CNTN3: variants seen among roughly 807,000 people sequenced by gnomAD.
The protein encoded by CNTN3 is contactin 3, also known as contactin-3.
A neutral mutation model predicts 119.1 loss-of-function variants in CNTN3; 60 were observed. That is an observed-to-expected ratio of 0.50 (90% CI 0.41 to 0.62). The LOEUF (loss-of-function observed/expected upper bound fraction) is 0.62, where lower values mean the gene tolerates loss of function less well. Ranked by LOEUF, CNTN3 falls within the 20% of genes least tolerant of loss-of-function variation. The probability of loss-of-function intolerance (pLI) is 0.00; values close to 1 mark genes in which losing one functional copy is unlikely to be tolerated. For synonymous variants in CNTN3, 450 were observed against 438.7 expected (o/e 1.03, Z -0.32); for missense variants, 1,101 against 1,242.4 (o/e 0.89, Z 1.71).
intron 1 of CNTN3, among the ~76,000 whole-genome samples, chr3:74,538,391 C>T (rs539270537): frequency 1.6e-4 from 24 of 152,144 alleles, no homozygotes; most frequent in East Asian, 9.7e-4. Flanking sequence ...CTAAGAAAGC[C>T]GAGAACACTG....
intron 17 of CNTN3, 107 bp downstream of exon 17, chr3:74,299,761 C>A: frequency 2.4e-6 from 2 of 822,234 alleles, no homozygotes; most frequent in South Asian, 2.0e-5. Flanking sequence ...AGCCACACCC[C>A]CAGCACTACC....
At chr3:74,359,352 C>T (rs532146056) in intron 11 of CNTN3, among the ~76,000 whole-genome samples, 7 of 152,086 alleles carry the variant, frequency 4.6e-5, no homozygotes, top group African/African-American at 1.4e-4. Context: ...GATTTTGCAG[C>T]GACTATGTAA....
Position 74,264,359 on chromosome 3 carries a change from T to C in CNTN3, c.*42A>G. 1 of 1,177,604 alleles carries C rather than the reference T, an allele frequency of 8.5e-7. No individual in the cohort carries two copies. The highest frequency in any genetic ancestry group is 1.1e-6 in the Non-Finnish European group (1 of 870,466). The allele number at this position is 1,177,604 out of a possible 1,614,324, so 72.9% of individuals were successfully genotyped here. A position where few individuals can be genotyped will look rare whatever the true frequency, so the allele number is the denominator to read the frequency against. On this transcript the variant is annotated 3_prime_UTR_variant, in exon 23 of 23. Transcript: ENST00000263665. ...CATTTCATGAAAGCACTTTTTTTGG[T>C]AACCAAATAACTTTCCAATAAATAA...
intron 4 of CNTN3, among the ~76,000 whole-genome samples, chr3:74,461,749 A>G (rs1702371922): frequency 6.6e-6 from 1 of 152,120 alleles, no homozygotes; most frequent in Admixed American, 6.6e-5. Context: ...AGGAACTGGA[A>G]TGATAGACAC....
intron 2 of CNTN3, among the ~76,000 whole-genome samples, chr3:74,516,638 G>A (rs969302347): frequency 6.6e-6 from 1 of 150,502 alleles, no homozygotes; most frequent in Non-Finnish European, 1.5e-5. Flanking sequence ...TTCATACTTG[G>A]GGGGATGGTC....
At chr3:74,381,465 G>T (rs1022361729) in intron 5 of CNTN3, among the ~76,000 whole-genome samples, 1 of 152,084 alleles carries the variant, frequency 6.6e-6, no homozygotes, top group Admixed American at 6.6e-5. Flanking sequence ...CTCTATAAAT[G>T]CTAATTTCTT....
chr3:74,310,468 G>A (rs575582339), intron 13 of CNTN3, among the ~76,000 whole-genome samples: 18 of 152,260 alleles, frequency 1.2e-4, no homozygotes, highest in Middle Eastern at 3.4e-3. Context: ...AAACTGGCAA[G>A]CTTGTTTATT....
At chr3:74,268,703 T>G in intron 20 of CNTN3, among the ~76,000 whole-genome samples, 1 of 152,072 alleles carries the variant, frequency 6.6e-6, no homozygotes, top group East Asian at 1.9e-4. Context: ...CTGCTTAGGG[T>G]TGAAATACTA....
At chr3:74,552,348 T>C (rs923721213) in intron 1 of CNTN3, among the ~76,000 whole-genome samples, 1 of 152,112 alleles carries the variant, frequency 6.6e-6, no homozygotes, top group Non-Finnish European at 1.5e-5. Flanking sequence ...TCGGAAAGAG[T>C]ATGCCTCATT....
chr3:74,420,479 T>G (rs1309901336), intron 5 of CNTN3, among the ~76,000 whole-genome samples: 5 of 152,230 alleles, frequency 3.3e-5, no homozygotes. Context: ...ATAAACTTAC[T>G]GCACTAAAAG....
intron 4 of CNTN3, among the ~76,000 whole-genome samples, chr3:74,446,268 A>G (rs894711069): frequency 5.3e-5 from 8 of 152,166 alleles, no homozygotes; most frequent in African/African-American, 1.9e-4. Flanking sequence ...CATATGTGAA[A>G]TTTTATTATG....
intron 1 of CNTN3, among the ~76,000 whole-genome samples, chr3:74,543,730 AAT>A (rs1176384674): frequency 1.3e-5 from 2 of 152,172 alleles, no homozygotes; most frequent in Non-Finnish European, 2.9e-5. Flanking sequence ...AAATATGAGC[AAT>A]ATATAGTCAA....
chr3:74,488,952 C>T (rs977139216), intron 3 of CNTN3, among the ~76,000 whole-genome samples: 1 of 152,180 alleles, frequency 6.6e-6, no homozygotes, highest in Non-Finnish European at 1.5e-5. Context: ...ACATTTGTGT[C>T]ACTATGTCTC....
chr3:74,592,724 G>C (rs1704725627), intron 1 of CNTN3, among the ~76,000 whole-genome samples: 1 of 151,888 alleles, frequency 6.6e-6, no homozygotes, highest in African/African-American at 2.4e-5. Flanking sequence ...TAACAAAGAA[G>C]TTAATCTTTA....
At chr3:74,558,138 T>C (rs1704098837) in intron 1 of CNTN3, among the ~76,000 whole-genome samples, 1 of 152,184 alleles carries the variant, frequency 6.6e-6, no homozygotes, top group African/African-American at 2.4e-5. Flanking sequence ...TTGCATGATA[T>C]ATGAAAGCCC....
chr3:74,446,906 C>G (rs535580027), intron 4 of CNTN3, among the ~76,000 whole-genome samples: 28 of 152,056 alleles, frequency 1.8e-4, no homozygotes, highest in African/African-American at 5.3e-4. Flanking sequence ...AAATTTCTCC[C>G]TAATATGTTC....
At chr3:74,490,017 C>G (rs181294657) in intron 3 of CNTN3, among the ~76,000 whole-genome samples, 21 of 152,190 alleles carry the variant, frequency 1.4e-4, no homozygotes, top group Non-Finnish European at 2.4e-4. Context: ...CATGTTGGTT[C>G]TATGTTCGAT....
intron 13 of CNTN3, among the ~76,000 whole-genome samples, chr3:74,305,169 C>T (rs1702535477): frequency 6.6e-6 from 1 of 152,054 alleles, no homozygotes; most frequent in African/African-American, 2.4e-5. Context: ...GTTATGTTTA[C>T]AAATTTAGAA....
At chr3:74,449,070 C>A (rs1040984525) in intron 4 of CNTN3, among the ~76,000 whole-genome samples, 1 of 151,932 alleles carries the variant, frequency 6.6e-6, no homozygotes, top group African/African-American at 2.4e-5. Flanking sequence ...CTGTGCTTGT[C>A]CTATTTTATA....
Sources: gnomAD v4.1 joint callset for allele counts (sites outside exome capture counted in the v4.1 genomes callset) on GRCh38, gnomAD v4.1.1 for gene constraint, MANE v1.5 for transcripts, NCBI Gene and HGNC (gene_info 2026-07-23, HGNC 2026-07-21) for gene names.